Variants in ARHGEF17 observed in about 807,000 individuals in gnomAD.
ARHGEF17 encodes Rho guanine nucleotide exchange factor 17.
In ARHGEF17, 80 loss-of-function variants were observed where a neutral mutation model predicts 174.0. That is an observed-to-expected ratio of 0.46 (90% CI 0.38 to 0.55). The LOEUF is 0.55. Among genes scored for constraint, ARHGEF17 ranks in the 20% least tolerant of loss-of-function variants. ARHGEF17 has a pLI of 0.00. For synonymous variants in ARHGEF17, 1,311 were observed against 1,189.1 expected, an observed-to-expected ratio of 1.10 and a Z score of -2.11; for missense variants, 2,886 against 2,839.7, an observed-to-expected ratio of 1.02 and a Z score of -0.37.
At chr11:73,342,735 C>T (rs183347033) in intron 1 of ARHGEF17, among the ~76,000 whole-genome samples, 153 of 151,492 alleles carry the variant, frequency 1.0e-3, no homozygotes, top group African/African-American at 3.6e-3. Context: ...ATGTCGGCGC[C>T]TTTGTCCACG....
In ARHGEF17 at chr11:73,329,362, TATATATA is replaced by T. The variant is rs1865162258; in HGVS notation, c.3193-17520_3193-17514del. Reference sequence around the variant, plus strand: ...ATATATATATATATATATATATATATATATATATATATTTTTTTTTTTTTTTTGTATT... The same window carrying T: ...ATATATATATATATATATATATATATTATATTTTTTTTTTTTTTTTGTATT... On this transcript the variant is annotated intron_variant, in intron 1 of 20. Coordinates refer to ENST00000263674, the MANE Select transcript of ARHGEF17 (RefSeq NM_014786.4). Among the ~76,000 whole-genome samples, 11 of 18,886 alleles carry T rather than the reference TATATATA, an allele frequency of 5.8e-4. 1 individual carries two copies. Among genetic ancestry groups the T allele is most frequent in the South Asian group, 2.1e-3 (1 of 484 alleles). 12.4% of individuals were successfully genotyped at this position (18,886 alleles called of 152,430 possible).
Position 73,364,437 on chromosome 11 carries a change from T to C in ARHGEF17, c.5402-15T>C. On this transcript the variant is annotated splice_polypyrimidine_tract_variant and intron_variant, in intron 17 of 20. Transcript: ENST00000263674. The stretch of plus-strand genomic sequence containing the variant: ...GAACTGGAGTGAATTTCCTGTTTTC[T>C]TTACCCCACTCCAGGCCATTTCTGG... 1 of 1,613,180 alleles carries C rather than the reference T, an allele frequency of 6.2e-7. No individual in the cohort carries two copies.
At chr11:73,332,183 A>G (rs563804838) in intron 1 of ARHGEF17, among the ~76,000 whole-genome samples, 1 of 152,260 alleles carries the variant, frequency 6.6e-6, no homozygotes, top group South Asian at 2.1e-4. Flanking sequence ...TAAGCCCTCT[A>G]TATTCTCTAC....
chr11:73,350,075 TAA>T (rs1865528042), intron 2 of ARHGEF17, among the ~76,000 whole-genome samples: 1 of 152,234 alleles, frequency 6.6e-6, no homozygotes, highest in African/African-American at 2.4e-5. Context: ...TGAGTGCAGT[TAA>T]TTAGAGACAC....
Position 73,361,078 on chromosome 11 carries a change from T to C in ARHGEF17, c.4421-10T>C. 1 of 1,612,756 alleles carries C rather than the reference T, an allele frequency of 6.2e-7. No homozygotes were observed. The highest frequency in any genetic ancestry group is 8.5e-7 in the Non-Finnish European group (1 of 1,178,998). ...AGCAGGGTCCGTCTGTCTGTCCATC[T>C]CCACTACAGCATCCAGCAAAAGCTG... On this transcript the variant is annotated splice_polypyrimidine_tract_variant and intron_variant, in intron 11 of 20. Transcript: ENST00000263674.
Position 73,309,763 on chromosome 11 carries a change from G to A in ARHGEF17, c.1125G>A (p.Val375=), listed in dbSNP as rs1864776181. 6.2e-7 allele frequency: 1 copy of A among 1,612,864 alleles called. No individual in the cohort carries two copies. ...SVGGAFRVAK[V]SFPSYLASPA... ...GAGGAGCTTTCCGTGTGGCCAAGGT[G>A]AGCTTTCCCTCGTACCTGGCCAGCC... is the stretch of plus-strand genomic sequence containing the variant. The change falls in exon 1 of 21, where the codon GTG becomes GTA. Residue 375 remains valine (V), a synonymous_variant. Transcript: ENST00000263674.
At chr11:73,347,981 G>A (rs547915104) in intron 2 of ARHGEF17, among the ~76,000 whole-genome samples, 34 of 152,310 alleles carry the variant, frequency 2.2e-4, no homozygotes, top group Non-Finnish European at 4.1e-4. Flanking sequence ...TGGGGCCCAG[G>A]GGAGAAGCAC....
At chr11:73,336,864 C>T (rs1285888987) in intron 1 of ARHGEF17, among the ~76,000 whole-genome samples, 1 of 152,224 alleles carries the variant, frequency 6.6e-6, no homozygotes, top group Non-Finnish European at 1.5e-5. Flanking sequence ...TTGGCTGGAC[C>T]TCATCTGGCC....
At chr11:73,354,033 G>T (rs866081534) in intron 3 of ARHGEF17, among the ~76,000 whole-genome samples, 2 of 152,146 alleles carry the variant, frequency 1.3e-5, no homozygotes, top group East Asian at 3.8e-4. Context: ...AAAAATTCTT[G>T]CAAAAATTTT....
chr11:73,356,121 C>G lies in ARHGEF17; in HGVS notation c.3664-54C>G, dbSNP rs1046128918. On this transcript the variant is annotated intron_variant, in intron 5 of 20. Coordinates refer to ENST00000263674, the MANE Select transcript of ARHGEF17 (RefSeq NM_014786.4). Reference sequence around the variant, plus strand: ...CCATAGTCCCTCCTGCTCCAGCAGTCTGGGGCCCCAGGGGTAGCTAAGCAG... The same window carrying G: ...CCATAGTCCCTCCTGCTCCAGCAGTGTGGGGCCCCAGGGGTAGCTAAGCAG... 1.2e-5 allele frequency: 20 copies of G among 1,602,866 alleles called. No homozygotes were observed. The African/African-American group carries it at 2.4e-4, about 19-fold the overall frequency.
rs758479021 is a variant in ARHGEF17, at chr11:73,364,524, T to C, written c.5474T>C (p.Val1825Ala). 9 of 1,613,620 alleles carry C rather than the reference T, an allele frequency of 5.6e-6. No individual in the cohort carries two copies. The African/African-American group carries it at 8.0e-5, about 14-fold the overall frequency. The change falls in exon 18 of 21, where the codon GTA becomes GCA. Residue 1825 changes from valine to alanine, a missense_variant. Physicochemically the swap from Val to Ala is moderately conservative, Grantham distance 64 (BLOSUM62 0). Around this residue, in one of 4 missense-constraint regions of ARHGEF17, gnomAD observed 329 missense variants for 435.2 expected, o/e 0.76. Transcript: ENST00000263674. ...CAGGGGAGCCCCATCACCAAGATGGTATCTGTGGGTGGGCGGCTGTGGTGT... is the reference window on the plus strand; with the variant it reads ...CAGGGGAGCCCCATCACCAAGATGGCATCTGTGGGTGGGCGGCTGTGGTGT... ...GTQGSPITKM[V>A]SVGGRLWCGC...
At position 73,357,346 on chromosome 11, in the gene ARHGEF17, G is replaced by A; in HGVS notation, c.4087+19G>A. On this transcript the variant is annotated intron_variant, in intron 9 of 20. Transcript: ENST00000263674. ...ATCAAAGGTGGGTTTGATGCTAGGG[G>A]TTCTGGGTGTTGGGGTCTTCCTCTG... is the stretch of plus-strand genomic sequence containing the variant. 2 of 1,606,888 alleles carry A rather than the reference G, an allele frequency of 1.2e-6. No individual in the cohort carries two copies. The highest frequency in any genetic ancestry group is 1.1e-5 in the South Asian group (1 of 89,856).
In ARHGEF17 at chr11:73,357,318, A is replaced by G. The variant is rs747547559; in HGVS notation, c.4078A>G (p.Ile1360Val). The G allele has an allele frequency of 6.2e-7, 1 of 1,613,866 alleles. No individual in the cohort carries two copies. Among genetic ancestry groups the G allele is most frequent in the East Asian group, 2.2e-5 (1 of 44,870 alleles). Residue 1360 changes from isoleucine to valine, a missense_variant, in exon 9 of 21, where the codon ATC (isoleucine) becomes GTC (valine). Physicochemically the swap from Ile to Val is conservative, Grantham distance 29. This residue lies in a region of ARHGEF17 where 353 missense variants were observed against 470.3 expected (regional missense o/e 0.75). Transcript: ENST00000263674. ...LWKLPLEDAD[I>V]IKGASQATNR... is the part of the protein sequence containing the mutation. ...GAAGCTGCCGCTGGAAGACGCAGAC[A>G]TCATCAAAGGTGGGTTTGATGCTAG... is the stretch of plus-strand genomic sequence containing the variant.
chr11:73,355,829 T>C, intron 4 of ARHGEF17, 32 bp from the exon 5 acceptor site: 1 of 1,612,268 alleles, frequency 6.2e-7, no homozygotes, highest in Non-Finnish European at 8.5e-7. Context: ...TGGCATGTCA[T>C]TCCTCACATG....
Position 73,367,877 on chromosome 11 carries a change from C to A in ARHGEF17, c.*97C>A. Reference sequence around the variant, plus strand: ...GCAGACTTTGACCAGGAGTATCCAGCCAGGGGCACACATGTGCCTGCGTGG... The same window carrying A: ...GCAGACTTTGACCAGGAGTATCCAGACAGGGGCACACATGTGCCTGCGTGG... On this transcript the variant is annotated 3_prime_UTR_variant, in exon 21 of 21. Coordinates refer to ENST00000263674, the MANE Select transcript of ARHGEF17 (RefSeq NM_014786.4). The A allele has an allele frequency of 1.5e-6, 2 of 1,320,986 alleles. No individual in the cohort carries two copies. The highest frequency in any genetic ancestry group is 2.1e-6 in the Non-Finnish European group (2 of 963,272). The allele number at this position is 1,320,986 out of a possible 1,614,324, so 81.8% of individuals were successfully genotyped here.
At chr11:73,347,219 C>A in intron 2 of ARHGEF17, 1 of 554,574 alleles carries the variant, frequency 1.8e-6, no homozygotes, top group East Asian at 3.3e-5. Context: ...TCCACGTCCC[C>A]CTGGCAACCC....
chr11:73,361,231 C>T (rs564901116), intron 12 of ARHGEF17, 70 bp downstream of exon 12: 20 of 1,438,842 alleles, frequency 1.4e-5, no homozygotes, highest in South Asian at 9.3e-5. Flanking sequence ...TTTTTGTGTA[C>T]GACATTGTGT....
rs895767161 is a variant in ARHGEF17 at position 73,309,232 on chromosome 11, C to T, written c.594C>T (p.Arg198=). Reference sequence around the variant, plus strand: ...GGCCGGAGACCGAAGGGAGGCTGCGCCGGCCGCAGCAGCAACAGGAGCGGG... The same window carrying T: ...GGCCGGAGACCGAAGGGAGGCTGCGTCGGCCGCAGCAGCAACAGGAGCGGG... ...LTGPETEGRL[R]RPQQQQERAQ... The change falls in exon 1 of 21, where the codon CGC becomes CGT. Residue 198 remains arginine (R), a synonymous_variant. Transcript: ENST00000263674. The T allele has an allele frequency of 3.7e-6, 6 of 1,602,740 alleles. No individual in the cohort carries two copies. The highest frequency in any genetic ancestry group is 5.1e-6 in the Non-Finnish European group (6 of 1,174,750).
In ARHGEF17 at chr11:73,309,557, A is replaced by T. The variant is rs746332104; in HGVS notation, c.919A>T (p.Arg307Trp). The part of the protein sequence containing the change: ...PGSSLLDQDC[R>W]PDSDGLNLSS... ...AAGCTCCCTATTGGATCAGGACTGC[A>T]GGCCTGACAGTGATGGGTTAAATCT... The change falls in exon 1 of 21, where the codon AGG becomes TGG. Residue 307 changes from arginine (R) to tryptophan (W), a missense_variant. Transcript: ENST00000263674. The T allele has an allele frequency of 2.5e-6, 4 of 1,605,382 alleles. No individual in the cohort carries two copies. The African/African-American group carries it at 4.0e-5, about 16-fold the overall frequency.
Sources: allele counts gnomAD v4.1 joint callset (sites outside exome capture counted in the v4.1 genomes callset), GRCh38; gene constraint gnomAD v4.1.1; regional missense constraint gnomAD v4.1.1; transcripts MANE v1.5; gene names NCBI Gene and HGNC (gene_info 2026-07-23, HGNC 2026-07-21).